Variants in LINGO2 observed in about 807,000 individuals in gnomAD.
LINGO2 encodes the protein leucine-rich repeat and immunoglobulin-like domain-containing nogo receptor-interacting protein 2.
A neutral mutation model predicts 30.6 loss-of-function variants in LINGO2; 14 were observed. The ratio of observed to expected loss-of-function variants is 0.46; its 90% confidence interval spans 0.30 to 0.72. LINGO2 has a LOEUF of 0.72. Ranked by LOEUF, LINGO2 falls within the 30% of genes least tolerant of loss-of-function variation. The pLI, the probability that LINGO2 is intolerant of heterozygous loss-of-function variation, is 0.07. For missense variants in LINGO2, 729 were observed against 751.7 expected, an observed-to-expected ratio of 0.97 and a Z score of 0.35; for synonymous variants, 317 against 288.5, an observed-to-expected ratio of 1.10 and a Z score of -1.00.
chr9:29,048,396 C>A, the LINGO2 span, among the ~76,000 whole-genome samples: 1 of 151,814 alleles, frequency 6.6e-6, no homozygotes, highest in Non-Finnish European at 1.5e-5. Context: ...TCCACACTAT[C>A]CAAAGCAATC....
chr9:27,949,732 G>A, exon 6 of LINGO2: 1 of 1,614,152 alleles, frequency 6.2e-7, no homozygotes, highest in South Asian at 1.1e-5. Flanking sequence ...AAGGAGTGAG[G>A]CTCAATGGTG....
In LINGO2 at chr9:28,147,465, G is replaced by A. The variant is rs544189558; in HGVS notation, c.-86-135060C>T. ...CGAGGCTGGTGGCCCTTGAGGCCAC[G>A]GCAGCCATGGAGAAGGCGGGCCTGG... On this transcript the variant is annotated intron_variant, in intron 4 of 5. Coordinates refer to ENST00000379992, the Ensembl canonical transcript of LINGO2. This position sits in a 1 kb window ranked among gnomAD's most constrained non-coding sequence, Gnocchi z 4.7. Among the ~76,000 whole-genome samples the A allele has an allele frequency of 3.3e-5, 5 of 152,314 alleles. No individual in the cohort carries two copies. The highest frequency in any genetic ancestry group is 2.1e-4 in the South Asian group (1 of 4,832).
intron 4 of LINGO2, among the ~76,000 whole-genome samples, chr9:28,068,158 G>T (rs951586671): frequency 1.3e-5 from 2 of 152,080 alleles, no homozygotes; most frequent in African/African-American, 4.8e-5. Context: ...TGTAGTGTAT[G>T]CATATACACT....
At chr9:29,097,807 T>G in the LINGO2 span, among the ~76,000 whole-genome samples, 1 of 138,958 alleles carries the variant, frequency 7.2e-6, no homozygotes, top group Non-Finnish European at 1.6e-5. Flanking sequence ...AGAATTTTTA[T>G]TATTCACAAA....
At chr9:28,414,058 A>T (rs781073934) in intron 2 of LINGO2, among the ~76,000 whole-genome samples, 65 of 152,116 alleles carry the variant, frequency 4.3e-4, no homozygotes, top group Non-Finnish European at 6.0e-4. Flanking sequence ...TAAGCAAAGC[A>T]GCAGCTTGTT....
the LINGO2 span, among the ~76,000 whole-genome samples, chr9:28,947,123 G>T: frequency 6.6e-6 from 1 of 151,706 alleles, no homozygotes; most frequent in African/African-American, 2.4e-5. Flanking sequence ...ATCTAGATCT[G>T]TATCTATATA....
At chr9:28,873,406 G>T in the LINGO2 span, among the ~76,000 whole-genome samples, 3 of 139,604 alleles carry the variant, frequency 2.1e-5, no homozygotes, top group East Asian at 4.2e-4. Context: ...AAAAAAAAAA[G>T]AAACTATTTC....
chr9:28,595,872 T>C (rs745893906), intron 1 of LINGO2, among the ~76,000 whole-genome samples: 1 of 152,136 alleles, frequency 6.6e-6, no homozygotes, highest in African/African-American at 2.4e-5. Flanking sequence ...TGATGACAAA[T>C]AGATATTTGA....
chr9:28,518,129 T>C (rs1399294232), intron 1 of LINGO2, among the ~76,000 whole-genome samples: 1 of 151,950 alleles, frequency 6.6e-6, no homozygotes, highest in East Asian at 1.9e-4. Context: ...CTCAGAGAGA[T>C]TACAACTTGG....
chr9:28,386,707 T>A (rs963688533), intron 2 of LINGO2, among the ~76,000 whole-genome samples: 20 of 152,178 alleles, frequency 1.3e-4, no homozygotes, highest in African/African-American at 4.6e-4. Context: ...CTTCTAATTT[T>A]AAAAATAAAC....
chr9:28,326,153 C>T (rs550845970), intron 3 of LINGO2, among the ~76,000 whole-genome samples: 1 of 152,280 alleles, frequency 6.6e-6, no homozygotes, highest in South Asian at 2.1e-4. Context: ...ATCACAGTCA[C>T]CTGCTACCAT....
At chr9:29,188,273 G>C in the LINGO2 span, among the ~76,000 whole-genome samples, 10 of 151,428 alleles carry the variant, frequency 6.6e-5, no homozygotes, top group Admixed American at 5.3e-4. Flanking sequence ...ATCTTGCACC[G>C]CCCTTAATCC....
At chr9:28,845,432 G>A in the LINGO2 span, among the ~76,000 whole-genome samples, 1 of 151,764 alleles carries the variant, frequency 6.6e-6, no homozygotes, top group Non-Finnish European at 1.5e-5. Flanking sequence ...TATGTCTTAT[G>A]AAAATTAATT....
intron 2 of LINGO2, among the ~76,000 whole-genome samples, chr9:28,375,161 C>T (rs1035801073): frequency 7.3e-5 from 11 of 151,244 alleles, no homozygotes; most frequent in African/African-American, 2.7e-4. Context: ...CTTCTCTCCA[C>T]TCCTTTGGCA....
chr9:28,423,369 C>T (rs1015341401), intron 2 of LINGO2, among the ~76,000 whole-genome samples: 3 of 151,874 alleles, frequency 2.0e-5, no homozygotes, highest in Non-Finnish European at 2.9e-5. Flanking sequence ...AAACAGTAAA[C>T]GATTTAGAAC....
intron 4 of LINGO2, among the ~76,000 whole-genome samples, chr9:28,170,595 T>C (rs761219680): frequency 5.3e-5 from 8 of 152,214 alleles, no homozygotes; most frequent in Non-Finnish European, 1.2e-4. Context: ...ACATATTTAA[T>C]GGCTTAAAAC....
intron 3 of LINGO2, among the ~76,000 whole-genome samples, chr9:28,296,218 G>A (rs1361552768): frequency 6.6e-6 from 1 of 152,142 alleles, no homozygotes; most frequent in Non-Finnish European, 1.5e-5. Flanking sequence ...TTATTGGACT[G>A]TTATCTGACA....
At chr9:28,117,791 C>T (rs1027177257) in intron 4 of LINGO2, among the ~76,000 whole-genome samples, 13 of 151,076 alleles carry the variant, frequency 8.6e-5, no homozygotes, top group Non-Finnish European at 1.5e-4. Flanking sequence ...CGCACACACA[C>T]TGGCCTGCGC....
At chr9:28,069,687 C>T (rs1462429211) in intron 4 of LINGO2, among the ~76,000 whole-genome samples, 1 of 152,104 alleles carries the variant, frequency 6.6e-6, no homozygotes, top group East Asian at 1.9e-4. Flanking sequence ...ATTCTGTCTA[C>T]GTTGAGGAGC....
Sources: gnomAD v4.1 joint callset for allele counts (sites outside exome capture counted in the v4.1 genomes callset) on GRCh38, gnomAD v4.1.1 for gene constraint, Gnocchi (gnomAD v3.1) non-coding constraint, MANE v1.5 for transcripts, NCBI Gene and HGNC (gene_info 2026-07-23, HGNC 2026-07-21) for gene names.